The following TSC22D3 variants were observed in gnomAD, a reference collection of about 807,000 sequenced individuals.
TSC22D3 encodes TSC22 domain family member 3, also known as TSC22 domain family protein 3.
Under a neutral mutation model 11.1 loss-of-function variants are expected in TSC22D3, and 4 were observed. The ratio of observed to expected loss-of-function variants is 0.36; its 90% confidence interval spans 0.18 to 0.83. TSC22D3 has a LOEUF of 0.83. Ranked by LOEUF, TSC22D3 falls within the 40% of genes least tolerant of loss-of-function variation. The pLI is 0.48. For missense variants in TSC22D3, 118 were observed against 159.4 expected (o/e 0.74, Z 1.40); for synonymous variants, 77 against 70.3 (o/e 1.10, Z -0.48).
At chrX:107,774,830 A>G in intron 1 of TSC22D3, 1 of 397,292 alleles carries the variant, frequency 2.5e-6, no homozygotes, top group Non-Finnish European at 4.4e-6. Context: ...GCTACCTCCA[A>G]ACCATCTGGG....
At chrX:107,744,062 T>C (rs1235105249) in intron 1 of TSC22D3, among the ~76,000 whole-genome samples, 1 of 112,138 alleles carries the variant, frequency 8.9e-6, no homozygotes, top group Non-Finnish European at 1.9e-5. Flanking sequence ...GGCCAGACTG[T>C]AGGTAGATGG....
intron 1 of TSC22D3, chrX:107,722,107 T>G (rs1458607134): frequency 1.3e-5 from 4 of 309,685 alleles, no homozygotes; most frequent in African/African-American, 1.1e-4. Context: ...GTGGATCATG[T>G]GAACTGCCCT....
chrX:107,770,012 T>C (rs1222133612), intron 1 of TSC22D3, among the ~76,000 whole-genome samples: 1 of 112,362 alleles, frequency 8.9e-6, no homozygotes, highest in Non-Finnish European at 1.9e-5. Flanking sequence ...TTAAATTACT[T>C]TGGGCTATGA....
At chrX:107,735,756 C>T (rs751181833) in intron 1 of TSC22D3, among the ~76,000 whole-genome samples, 8 of 108,886 alleles carry the variant, frequency 7.3e-5, no homozygotes, top group African/African-American at 2.7e-4. Flanking sequence ...TCTCAGAATG[C>T]CATTCTTCTT....
intron 1 of TSC22D3, among the ~76,000 whole-genome samples, chrX:107,736,944 G>A (rs138101085): frequency 8.9e-6 from 1 of 112,163 alleles, no homozygotes; most frequent in African/African-American, 3.2e-5. Flanking sequence ...ATGGCCTAGA[G>A]AGTGGCGTCA....
intron 1 of TSC22D3, among the ~76,000 whole-genome samples, chrX:107,728,535 G>A (rs1255690613): frequency 8.9e-6 from 1 of 112,165 alleles, no homozygotes; most frequent in Non-Finnish European, 1.9e-5. Flanking sequence ...GAGCAGTAGA[G>A]GGTGATAAAG....
At chrX:107,754,736 A>T (rs924258960) in intron 1 of TSC22D3, among the ~76,000 whole-genome samples, 2 of 112,385 alleles carry the variant, frequency 1.8e-5, no homozygotes, top group African/African-American at 6.5e-5. Flanking sequence ...AATCTTACAC[A>T]GCTACAGTTT....
At chrX:107,757,131 G>T (rs1021156627) in intron 1 of TSC22D3, among the ~76,000 whole-genome samples, 1 of 112,934 alleles carries the variant, frequency 8.9e-6, no homozygotes, top group Non-Finnish European at 1.9e-5. Flanking sequence ...AACAAGGGAA[G>T]TGGCTTGTAT....
chrX:107,715,819 C>G, intron 2 of TSC22D3, 80 bp downstream of exon 2: 12 of 1,144,013 alleles, frequency 1.0e-5, no homozygotes, highest in Non-Finnish European at 1.4e-5. Flanking sequence ...GGCTTTTTCA[C>G]CCATTCCCTC....
intron 1 of TSC22D3, among the ~76,000 whole-genome samples, chrX:107,767,646 T>C (rs1929729055): frequency 8.9e-6 from 1 of 112,093 alleles, no homozygotes; most frequent in African/African-American, 3.2e-5. Context: ...TTCAGCATGG[T>C]AGACAGTGGC....
At chrX:107,732,559 C>T (rs1382907897) in intron 1 of TSC22D3, among the ~76,000 whole-genome samples, 1 of 111,683 alleles carries the variant, frequency 9.0e-6, no homozygotes, top group African/African-American at 3.3e-5. Flanking sequence ...CCTTCAGCAG[C>T]ACCCTTTCAC....
At chrX:107,763,231 T>A (rs757147670) in intron 1 of TSC22D3, among the ~76,000 whole-genome samples, 1 of 111,618 alleles carries the variant, frequency 9.0e-6, no homozygotes, top group African/African-American at 3.3e-5. Context: ...AAACTTCTTG[T>A]AGATCAATAA....
intron 1 of TSC22D3, among the ~76,000 whole-genome samples, chrX:107,742,148 TG>T (rs1244082993): frequency 9.1e-6 from 1 of 110,242 alleles, no homozygotes; most frequent in Non-Finnish European, 1.9e-5. Context: ...GCAGGTGATG[TG>T]GGCTGGGCTT....
In TSC22D3 at chrX:107,774,988, CT is replaced by C; in HGVS notation, c.320+111del. ...CCAGTCACTGTAGCCTGAGTCAGACCTCCCCAGTACCCCTCCTGAACTTCCT... is the reference window on the plus strand; with the variant it reads ...CCAGTCACTGTAGCCTGAGTCAGACCCCCCAGTACCCCTCCTGAACTTCCT... On this transcript the variant is annotated intron_variant, in intron 1 of 2. Transcript: ENST00000372383. 3 of 906,190 alleles carry C rather than the reference CT, an allele frequency of 3.3e-6. No individual in the cohort carries two copies. In the South Asian group the frequency reaches 6.9e-5, roughly 21 times the overall value. 74.7% of individuals were successfully genotyped at this position (906,190 alleles called of 1,213,427 possible). A position where few individuals can be genotyped will look rare whatever the true frequency, so the allele number is the denominator to read the frequency against.
rs73636316 is a variant in TSC22D3 at position 107,753,716 on chromosome X, C to G, written c.320+21384G>C. ...TGACTTCAGTATGCTTGAAAATCAA[C>G]TCCCAAGTATTTCTAGGTGGCTTTT... On this transcript the variant is annotated intron_variant, in intron 1 of 2. Transcript: ENST00000372383. 7.5e-3 allele frequency among the ~76,000 whole-genome samples: 836 copies of G among 111,595 alleles called. 7 individuals carry two copies. Among genetic ancestry groups the G allele is most frequent in the African/African-American group, 0.026 (801 of 30,686 alleles).
chrX:107,771,006 G>A (rs1211154813), intron 1 of TSC22D3, among the ~76,000 whole-genome samples: 1 of 112,282 alleles, frequency 8.9e-6, no homozygotes, highest in Non-Finnish European at 1.9e-5. Context: ...TCCAGTTTGA[G>A]CACAGGCAGT....
chrX:107,746,699 C>T (rs1350281279), intron 1 of TSC22D3, among the ~76,000 whole-genome samples: 1 of 111,987 alleles, frequency 8.9e-6, no homozygotes, highest in East Asian at 2.8e-4. Flanking sequence ...ACCCTCATCA[C>T]TCCTCAAGTC....
At chrX:107,759,335 C>T (rs1200632150) in intron 1 of TSC22D3, among the ~76,000 whole-genome samples, 2 of 111,513 alleles carry the variant, frequency 1.8e-5, no homozygotes, top group African/African-American at 6.5e-5. Flanking sequence ...GTGACTTATT[C>T]ATTCAAGTTT....
chrX:107,713,575 T>C lies in TSC22D3; in HGVS notation c.*944A>G, dbSNP rs1236545087. ...GTAGTCAGCACCAGTGAATGGTGGG[T>C]TTGGCATTCAAAACAGGACTTCACG... On this transcript the variant is annotated 3_prime_UTR_variant, in exon 3 of 3. Transcript: ENST00000372383. The C allele has an allele frequency of 1.8e-5, 2 of 112,831 alleles. No individual in the cohort carries two copies. The highest frequency in any genetic ancestry group is 3.8e-5 in the Non-Finnish European group (2 of 53,291). The allele number at this position is 112,831 out of a possible 1,213,427, so 9.3% of individuals were successfully genotyped here.
Sources: gnomAD v4.1 joint callset for allele counts (sites outside exome capture counted in the v4.1 genomes callset) on GRCh38, gnomAD v4.1.1 for gene constraint, MANE v1.5 for transcripts, NCBI Gene and HGNC (gene_info 2026-07-23, HGNC 2026-07-21) for gene names.